DOCK5: variants seen among roughly 807,000 people sequenced by gnomAD.
DOCK5 encodes the protein dedicator of cytokinesis protein 5.
Under a neutral mutation model 251.8 loss-of-function variants are expected in DOCK5, and 142 were observed. The observed-to-expected ratio is 0.56, with a 90% confidence interval of 0.49 to 0.65. The LOEUF is 0.65. Ranked by LOEUF, DOCK5 falls within the 30% of genes least tolerant of loss-of-function variation. The pLI is 0.00. For missense variants in DOCK5, 2,111 were observed against 2,312.3 expected (o/e 0.91, Z 1.79); for synonymous variants, 842 against 835.5 (o/e 1.01, Z -0.13).
chr8:25,329,774 G>T (rs13264935), intron 18 of DOCK5, among the ~76,000 whole-genome samples: 7,934 of 152,194 alleles, frequency 0.052, 271 homozygotes, highest in South Asian at 0.12. Context: ...GTGTTTATCA[G>T]CAGCAGAGTG....
intron 2 of DOCK5, among the ~76,000 whole-genome samples, chr8:25,267,176 C>T (rs1803778546): frequency 6.6e-6 from 1 of 152,108 alleles, no homozygotes; most frequent in Non-Finnish European, 1.5e-5. Context: ...GGGAGAAATG[C>T]TTAGCTTAGT....
intron 23 of DOCK5, 74 bp downstream of exon 23, chr8:25,341,062 C>A: frequency 9.2e-7 from 1 of 1,081,348 alleles, no homozygotes; most frequent in Non-Finnish European, 1.4e-6. Flanking sequence ...TAGAATTGGC[C>A]ATCATGAGGG....
At chr8:25,302,273 G>C in intron 9 of DOCK5, 52 bp from the exon 10 acceptor site, 1 of 1,536,216 alleles carries the variant, frequency 6.5e-7, no homozygotes, top group Non-Finnish European at 8.8e-7. Context: ...AGAGACACAG[G>C]TGACACAGTG....
chr8:25,310,621 A>ACT (rs1400694477), intron 13 of DOCK5, 89 bp downstream of exon 13: 39 of 1,442,754 alleles, frequency 2.7e-5, no homozygotes, highest in Non-Finnish European at 3.4e-5. Flanking sequence ...GATCCAGAAG[A>ACT]CTTGGTTATT....
intron 51 of DOCK5, among the ~76,000 whole-genome samples, chr8:25,410,972 T>TGTGCGCGCGC (rs1331552371): frequency 5.2e-5 from 1 of 19,168 alleles, no homozygotes; most frequent in African/African-American, 1.5e-4. Flanking sequence ...TGTGTGTGTG[T>TGTGCGCGCGC]GCGCGCGCGC....
At chr8:25,186,383 A>AGACGGACT (rs1554512835) in intron 1 of DOCK5, among the ~76,000 whole-genome samples, 1 of 113,270 alleles carries the variant, frequency 8.8e-6, no homozygotes, top group African/African-American at 3.5e-5. Context: ...TTTGTTTTTG[A>AGACGGACT]GACGGACTGA....
rs1373375557 is a variant in DOCK5 at position 25,351,726 on chromosome 8, T to G, written c.2755-5T>G. 5 of 1,611,898 alleles carry G rather than the reference T, an allele frequency of 3.1e-6. No homozygotes were observed. Among genetic ancestry groups the G allele is most frequent in the Non-Finnish European group, 4.2e-6 (5 of 1,178,680 alleles). ...GAATGGAGTCAAATCCTGTGTTCCC[T>G]GCAGGGTGCCACTGCGGTGCACATT... On this transcript the variant is annotated splice_polypyrimidine_tract_variant and splice_region_variant and intron_variant, in intron 26 of 51. Transcript: ENST00000276440.
At chr8:25,382,203 C>T (rs548074050) in intron 39 of DOCK5, among the ~76,000 whole-genome samples, 1 of 152,174 alleles carries the variant, frequency 6.6e-6, no homozygotes, top group African/African-American at 2.4e-5. Context: ...TCTCAAACTC[C>T]TAGCCTCAAG....
At chr8:25,268,051 C>T (rs903042143) in intron 2 of DOCK5, among the ~76,000 whole-genome samples, 5 of 151,860 alleles carry the variant, frequency 3.3e-5, no homozygotes, top group South Asian at 2.1e-4. Flanking sequence ...TTAGTAGAGA[C>T]GGGGTTTCAC....
At chr8:25,361,823 G>C (rs374574841) in intron 28 of DOCK5, among the ~76,000 whole-genome samples, 1 of 152,098 alleles carries the variant, frequency 6.6e-6, no homozygotes, top group Admixed American at 6.5e-5. Flanking sequence ...TACCCAGCTT[G>C]ACCAGCATCT....
chr8:25,337,812 C>T (rs1414088429), intron 22 of DOCK5, among the ~76,000 whole-genome samples: 1 of 151,834 alleles, frequency 6.6e-6, no homozygotes, highest in Non-Finnish European at 1.5e-5. Context: ...GTCTCGATCT[C>T]CTGACCTCGT....
intron 45 of DOCK5, among the ~76,000 whole-genome samples, chr8:25,396,143 G>A (rs996523644): frequency 3.3e-5 from 5 of 152,146 alleles, no homozygotes; most frequent in Admixed American, 2.0e-4. Context: ...ATTTAGGGAG[G>A]CCAAGGCAGG....
At chr8:25,390,310 A>G in intron 42 of DOCK5, 23 bp downstream of exon 42, 1 of 1,540,714 alleles carries the variant, frequency 6.5e-7, no homozygotes, top group Non-Finnish European at 8.7e-7. Context: ...TCATTTAAAA[A>G]AAAAAAAAAT....
chr8:25,293,696 C>CA (rs996293653), intron 6 of DOCK5, among the ~76,000 whole-genome samples: 383 of 152,096 alleles, frequency 2.5e-3, no homozygotes, highest in African/African-American at 8.9e-3. Context: ...CTTGTGGTGT[C>CA]AGAGGACTTA....
intron 1 of DOCK5, among the ~76,000 whole-genome samples, chr8:25,202,183 A>G (rs1033388769): frequency 1.3e-5 from 2 of 151,834 alleles, no homozygotes; most frequent in Non-Finnish European, 2.9e-5. Flanking sequence ...ACCCCCAGCT[A>G]ATTTTTGTAT....
chr8:25,239,396 G>C (rs1016811814), intron 1 of DOCK5, among the ~76,000 whole-genome samples: 2 of 151,254 alleles, frequency 1.3e-5, no homozygotes, highest in African/African-American at 4.9e-5. Flanking sequence ...GTAGGTGTTT[G>C]TGTTTGGAGC....
chr8:25,187,148 C>T (rs1057027760), intron 1 of DOCK5, among the ~76,000 whole-genome samples: 7 of 151,028 alleles, frequency 4.6e-5, no homozygotes, highest in Non-Finnish European at 7.4e-5. Flanking sequence ...GTGCACCGAG[C>T]CCCCATCACG....
At chr8:25,361,025 C>T (rs987537586) in intron 28 of DOCK5, among the ~76,000 whole-genome samples, 5 of 152,090 alleles carry the variant, frequency 3.3e-5, no homozygotes, top group Admixed American at 1.3e-4. Flanking sequence ...GCTGAGCTAC[C>T]GTGCACAGCT....
chr8:25,198,703 A>AT (rs1365013211), intron 1 of DOCK5, among the ~76,000 whole-genome samples: 1 of 152,202 alleles, frequency 6.6e-6, no homozygotes, highest in African/African-American at 2.4e-5. Flanking sequence ...TAACACCCTC[A>AT]TTTTATCAGA....
Sources: allele counts gnomAD v4.1 joint callset (sites outside exome capture counted in the v4.1 genomes callset), GRCh38; gene constraint gnomAD v4.1.1; transcripts MANE v1.5; gene names NCBI Gene and HGNC (gene_info 2026-07-23, HGNC 2026-07-21).